EDIL3: variants seen among roughly 807,000 people sequenced by gnomAD.
EDIL3 encodes the protein EGF-like repeat and discoidin I-like domain-containing protein 3.
A neutral mutation model predicts 67.4 loss-of-function variants in EDIL3; 37 were observed. The observed-to-expected ratio is 0.55, with a 90% CI of 0.42 to 0.72. The LOEUF (loss-of-function observed/expected upper bound fraction) is 0.72. Among genes scored for constraint, EDIL3 ranks in the 30% least tolerant of loss-of-function variants. The pLI, the probability that EDIL3 is intolerant of heterozygous loss-of-function variation, is 0.00. For synonymous variants in EDIL3, 195 were observed against 196.3 expected, an observed-to-expected ratio of 0.99 and a Z score of 0.05; for missense variants, 527 against 586.3, an observed-to-expected ratio of 0.90 and a Z score of 1.04.
chr5:84,010,519 A>AT (rs763582878), intron 9 of EDIL3, among the ~76,000 whole-genome samples: 6 of 151,806 alleles, frequency 4.0e-5, no homozygotes, highest in Non-Finnish European at 7.4e-5. Flanking sequence ...ATTTCCTCCA[A>AT]TTTTTTAATA....
At chr5:84,217,494 A>T (rs1299670426) in intron 3 of EDIL3, among the ~76,000 whole-genome samples, 1 of 152,146 alleles carries the variant, frequency 6.6e-6, no homozygotes, top group East Asian at 1.9e-4. Flanking sequence ...ACTTTAAGTA[A>T]AAAAGATGAC....
intron 1 of EDIL3, among the ~76,000 whole-genome samples, chr5:84,283,039 CTT>C (rs542928989): frequency 1.4e-5 from 2 of 145,136 alleles, no homozygotes. Flanking sequence ...GCATCTATTT[CTT>C]TTTTTTTTTA....
In EDIL3 at chr5:84,279,644, G is replaced by A. The variant is rs150541601; in HGVS notation, c.68-25432C>T. 9.9e-4 allele frequency among the ~76,000 whole-genome samples: 151 copies of A among 152,176 alleles called. 1 individual carries two copies. Among genetic ancestry groups the A allele is most frequent in the African/African-American group, 3.6e-3 (150 of 41,536 alleles). The stretch of plus-strand genomic sequence containing the variant: ...AGGTTCTAATTTGGATGGATGCCTT[G>A]GTCTAAAAAAGAGCTTTGCCCTTTG... On this transcript the variant is annotated intron_variant, in intron 1 of 10. Coordinates refer to ENST00000296591, the MANE Select transcript of EDIL3 (RefSeq NM_005711.5).
chr5:84,142,783 T>A (rs1461288049), intron 4 of EDIL3, among the ~76,000 whole-genome samples: 1 of 151,864 alleles, frequency 6.6e-6, no homozygotes, highest in African/African-American at 2.4e-5. Flanking sequence ...GAACATACTT[T>A]TTTGGATATA....
intron 1 of EDIL3, among the ~76,000 whole-genome samples, chr5:84,370,610 C>G (rs748595093): frequency 6.6e-6 from 1 of 152,082 alleles, no homozygotes. Context: ...CTGTCTAGCT[C>G]CCATATAGTA....
intron 1 of EDIL3, among the ~76,000 whole-genome samples, chr5:84,304,385 A>G (rs1316374348): frequency 2.6e-5 from 4 of 152,158 alleles, no homozygotes; most frequent in Non-Finnish European, 4.4e-5. Flanking sequence ...GAGCTTTCTC[A>G]ATGTGTTACA....
intron 6 of EDIL3, among the ~76,000 whole-genome samples, chr5:84,083,356 A>C (rs1030542576): frequency 2.3e-4 from 35 of 151,972 alleles, no homozygotes; most frequent in African/African-American, 7.3e-4. Context: ...TACTGTCTTT[A>C]GGGTATGCAA....
chr5:84,168,794 G>A (rs572110442), intron 4 of EDIL3, among the ~76,000 whole-genome samples: 1 of 152,262 alleles, frequency 6.6e-6, no homozygotes, highest in East Asian at 1.9e-4. Context: ...ACCCCCACCT[G>A]AACCTATTCT....
chr5:84,016,335 C>T lies in EDIL3; in HGVS notation c.1137+43965G>A, dbSNP rs569137332. 1.6e-4 allele frequency among the ~76,000 whole-genome samples: 24 copies of T among 152,254 alleles called. No individual in the cohort carries two copies. In the South Asian group the frequency reaches 5.0e-3, roughly 32 times the overall value. On this transcript the variant is annotated intron_variant, in intron 9 of 10. Coordinates refer to ENST00000296591, the MANE Select transcript of EDIL3 (RefSeq NM_005711.5). ...ATCGTCATGCATATCAAAACACTGCCTAGCTCTGATAACACTCATCTCACT... is the reference window on the plus strand; with the variant it reads ...ATCGTCATGCATATCAAAACACTGCTTAGCTCTGATAACACTCATCTCACT...
intron 9 of EDIL3, among the ~76,000 whole-genome samples, chr5:84,004,660 C>T (rs1324697460): frequency 1.3e-5 from 2 of 151,990 alleles, no homozygotes; most frequent in Non-Finnish European, 2.9e-5. Context: ...AAAAATCATA[C>T]CAGAATCTCT....
intron 9 of EDIL3, among the ~76,000 whole-genome samples, chr5:83,991,222 C>G (rs1024671966): frequency 1.3e-5 from 2 of 152,142 alleles, no homozygotes; most frequent in African/African-American, 2.4e-5. Context: ...CTGGCCCGTT[C>G]CCACATCTTT....
chr5:84,317,758 A>G lies in EDIL3; in HGVS notation c.68-63546T>C, dbSNP rs146607436. Among the ~76,000 whole-genome samples, 324 of 152,304 alleles carry G rather than the reference A, an allele frequency of 2.1e-3. 1 individual carries two copies. Among genetic ancestry groups the G allele is most frequent in the Admixed American group, 3.7e-3 (57 of 15,302 alleles). ...TTCCCTTCGAAAACTGGCACAAGAC[A>G]AGGATGCCCTCTCTCACCACTCCTA... On this transcript the variant is annotated intron_variant, in intron 1 of 10. Transcript: ENST00000296591.
intron 1 of EDIL3, among the ~76,000 whole-genome samples, chr5:84,308,775 G>C (rs1746323117): frequency 6.6e-6 from 1 of 152,096 alleles, no homozygotes; most frequent in South Asian, 2.1e-4. Flanking sequence ...TGTATAAAAA[G>C]ATCAATTGGT....
At chr5:84,155,469 A>AT (rs911740905) in intron 4 of EDIL3, among the ~76,000 whole-genome samples, 3 of 152,038 alleles carry the variant, frequency 2.0e-5, no homozygotes, top group Admixed American at 6.6e-5. Context: ...GTATGCATTA[A>AT]TTTTTTCAAC....
At chr5:84,327,279 T>A (rs1746782328) in intron 1 of EDIL3, among the ~76,000 whole-genome samples, 1 of 152,008 alleles carries the variant, frequency 6.6e-6, no homozygotes. Flanking sequence ...CCTTTTTAAT[T>A]GTTCCTACTG....
At chr5:83,949,672 G>A (rs189456306) in intron 10 of EDIL3, among the ~76,000 whole-genome samples, 4 of 151,926 alleles carry the variant, frequency 2.6e-5, no homozygotes, top group Admixed American at 2.6e-4. Flanking sequence ...AGTTTAGGAT[G>A]TGTCAAATCT....
chr5:84,380,586 A>G (rs1326224540), intron 1 of EDIL3, among the ~76,000 whole-genome samples: 2 of 152,162 alleles, frequency 1.3e-5, no homozygotes, highest in East Asian at 3.8e-4. Flanking sequence ...AAGTGTGTGC[A>G]GTAAACAACA....
At chr5:84,327,298 T>C (rs74966897) in intron 1 of EDIL3, among the ~76,000 whole-genome samples, 11,285 of 152,034 alleles carry the variant, frequency 0.074, 571 homozygotes, top group South Asian at 0.18. Flanking sequence ...TGTTCATTTT[T>C]TCAGCTTAAT....
intron 1 of EDIL3, among the ~76,000 whole-genome samples, chr5:84,354,443 G>A (rs1580096787): frequency 6.6e-6 from 1 of 152,050 alleles, no homozygotes; most frequent in African/African-American, 2.4e-5. Context: ...GATCTCTTGA[G>A]GTCAGGAGTT....
Sources: allele counts gnomAD v4.1 joint callset (sites outside exome capture counted in the v4.1 genomes callset), GRCh38; gene constraint gnomAD v4.1.1; transcripts MANE v1.5; gene names NCBI Gene and HGNC (gene_info 2026-07-23, HGNC 2026-07-21).